Variants in ARHGAP10 observed in about 807,000 individuals in gnomAD.
ARHGAP10 encodes Rho GTPase activating protein 10, also known as rho GTPase-activating protein 10.
A neutral mutation model predicts 108.6 loss-of-function variants in ARHGAP10; 87 were observed. The ratio of observed to expected loss-of-function variants is 0.80; its 90% CI spans 0.67 to 0.96. ARHGAP10 has a LOEUF of 0.96. Among genes scored for constraint, ARHGAP10 ranks in the 40% least tolerant of loss-of-function variants. The pLI is 0.00. For synonymous variants in ARHGAP10, 347 were observed against 341.1 expected, an observed-to-expected ratio of 1.02 and a Z score of -0.19; for missense variants, 939 against 954.5, an observed-to-expected ratio of 0.98 and a Z score of 0.21.
chr4:148,066,428 T>C lies in ARHGAP10; in HGVS notation c.2272+1921T>C, dbSNP rs565100153. 1.8e-3 allele frequency among the ~76,000 whole-genome samples: 280 copies of C among 152,332 alleles called. 1 individual carries two copies. Among genetic ancestry groups the C allele is most frequent in the Non-Finnish European group, 2.6e-3 (180 of 68,032 alleles). Reference sequence around the variant, plus strand: ...AATGAGGGTCAGTGCCTAAAGCCAATGCAGATCTGCCAGTTTGGATAAAAG... The same window carrying C: ...AATGAGGGTCAGTGCCTAAAGCCAACGCAGATCTGCCAGTTTGGATAAAAG... On this transcript the variant is annotated intron_variant, in intron 22 of 22. Coordinates refer to ENST00000336498, the MANE Select transcript of ARHGAP10 (RefSeq NM_024605.4).
At chr4:147,818,754 GC>G (rs1039258082) in intron 1 of ARHGAP10, among the ~76,000 whole-genome samples, 9 of 152,086 alleles carry the variant, frequency 5.9e-5, no homozygotes, top group Non-Finnish European at 1.2e-4. Context: ...ACTGCCTTAT[GC>G]TTTTGTTTTG....
chr4:147,810,899 G>A (rs1731991461), intron 1 of ARHGAP10, among the ~76,000 whole-genome samples: 2 of 152,312 alleles, frequency 1.3e-5, no homozygotes, highest in South Asian at 4.1e-4. Context: ...GCCTCATTTT[G>A]TTCTAGATCC....
At chr4:147,804,776 T>C (rs1731715654) in intron 1 of ARHGAP10, among the ~76,000 whole-genome samples, 1 of 152,188 alleles carries the variant, frequency 6.6e-6, no homozygotes, top group South Asian at 2.1e-4. Context: ...TGGCCACATG[T>C]ATGTCGTCTT....
At chr4:147,817,509 G>C (rs929944806) in intron 1 of ARHGAP10, among the ~76,000 whole-genome samples, 1 of 152,212 alleles carries the variant, frequency 6.6e-6, no homozygotes, top group Non-Finnish European at 1.5e-5. Context: ...TCTGGAGGCT[G>C]TCCACACCTG....
rs549650908 is a variant in ARHGAP10, at chr4:147,988,346, A to G, written c.1716+21507A>G. 2.0e-5 allele frequency among the ~76,000 whole-genome samples: 3 copies of G among 152,146 alleles called. No individual in the cohort carries two copies. In the South Asian group the frequency reaches 6.2e-4, roughly 32 times the overall value. ...TTTCCTCTGAACTTCCACTAATTTC[A>G]TTTACTAGATCATGTTTTCTGAGAT... On this transcript the variant is annotated intron_variant, in intron 18 of 22. Transcript: ENST00000336498.
chr4:148,000,116 C>T (rs960833306), intron 18 of ARHGAP10, among the ~76,000 whole-genome samples: 9 of 152,048 alleles, frequency 5.9e-5, no homozygotes, highest in African/African-American at 1.9e-4. Flanking sequence ...TGATGTTCCC[C>T]TTCCTGTGTC....
chr4:147,835,226 T>G (rs957001808), intron 3 of ARHGAP10, among the ~76,000 whole-genome samples: 12 of 151,088 alleles, frequency 7.9e-5, no homozygotes, highest in Non-Finnish European at 1.8e-4. Flanking sequence ...TTCCCAAGAG[T>G]TTTTCAACCC....
chr4:147,924,929 C>G (rs925114743), intron 13 of ARHGAP10, among the ~76,000 whole-genome samples: 14 of 151,434 alleles, frequency 9.2e-5, no homozygotes, highest in Non-Finnish European at 4.4e-5. Flanking sequence ...ATTAAGTAGT[C>G]TCATTATTGA....
Position 147,875,070 on chromosome 4 carries a change from A to G in ARHGAP10, c.752A>G (p.Asn251Ser). The G allele has an allele frequency of 4.3e-6, 7 of 1,610,120 alleles. No individual in the cohort carries two copies. Among genetic ancestry groups the G allele is most frequent in the Non-Finnish European group, 5.9e-6 (7 of 1,179,178 alleles). Residue 251 changes from asparagine (N) to serine (S), a missense_variant, in exon 8 of 23, where the codon AAC becomes AGC. By Grantham distance (46) the Asn-to-Ser change is conservative. Transcript: ENST00000336498. ...GTRSEVEELM[N>S]KIRQNPKDHK... The stretch of plus-strand genomic sequence containing the variant: ...AGGTCAGAAGTGGAAGAGCTCATGA[A>G]CAAAATCAGACAGAATCCCAAGGAC...
chr4:147,895,667 C>CAG (rs1735967091), intron 10 of ARHGAP10, among the ~76,000 whole-genome samples: 1 of 149,630 alleles, frequency 6.7e-6, no homozygotes, highest in African/African-American at 2.5e-5. Context: ...GCCTGGGCAA[C>CAG]AGAGAGAGAC....
chr4:148,053,148 A>G (rs1164959732), intron 20 of ARHGAP10, among the ~76,000 whole-genome samples: 1 of 152,204 alleles, frequency 6.6e-6, no homozygotes, highest in Non-Finnish European at 1.5e-5. Context: ...CGCAAAGGAC[A>G]TAGGAAAATT....
At chr4:147,763,584 A>G (rs1241523295) in intron 1 of ARHGAP10, among the ~76,000 whole-genome samples, 1 of 151,980 alleles carries the variant, frequency 6.6e-6, no homozygotes, top group Non-Finnish European at 1.5e-5. Flanking sequence ...TGTTGGGATT[A>G]CAGGTGTGAG....
chr4:147,956,327 C>T (rs1738783318), intron 16 of ARHGAP10, among the ~76,000 whole-genome samples: 1 of 152,078 alleles, frequency 6.6e-6, no homozygotes, highest in Non-Finnish European at 1.5e-5. Flanking sequence ...TTAAATGTTA[C>T]CTTCTTGTGA....
intron 1 of ARHGAP10, among the ~76,000 whole-genome samples, chr4:147,796,817 G>A (rs189174653): frequency 5.1e-4 from 77 of 152,252 alleles, no homozygotes; most frequent in African/African-American, 1.8e-3. Context: ...GAGCCACTGC[G>A]CCCGGCCTGT....
At chr4:147,754,746 T>A (rs1729298681) in intron 1 of ARHGAP10, among the ~76,000 whole-genome samples, 1 of 152,188 alleles carries the variant, frequency 6.6e-6, no homozygotes. Flanking sequence ...TAAATGATTT[T>A]GCTACATAAG....
chr4:147,857,151 T>C (rs1734124687), intron 4 of ARHGAP10, among the ~76,000 whole-genome samples: 2 of 152,350 alleles, frequency 1.3e-5, no homozygotes, highest in African/African-American at 2.4e-5. Context: ...TGGCCTATTA[T>C]TCCATTTTAA....
chr4:148,041,388 CAAA>C (rs1399930319), intron 19 of ARHGAP10, among the ~76,000 whole-genome samples: 2 of 152,104 alleles, frequency 1.3e-5, no homozygotes, highest in Non-Finnish European at 2.9e-5. Context: ...TGAAAGGAGA[CAAA>C]GAAGAAATGA....
At chr4:147,826,780 A>G (rs1009501732) in intron 3 of ARHGAP10, among the ~76,000 whole-genome samples, 6 of 152,184 alleles carry the variant, frequency 3.9e-5, no homozygotes, top group African/African-American at 1.4e-4. Flanking sequence ...GACACTTAAA[A>G]AAACACAGTA....
At chr4:147,945,277 A>G (rs1201119746) in intron 14 of ARHGAP10, among the ~76,000 whole-genome samples, 1 of 145,848 alleles carries the variant, frequency 6.9e-6, no homozygotes, top group Non-Finnish European at 1.5e-5. Flanking sequence ...CAATTTACTA[A>G]CTCTCCCATC....
Sources: gnomAD v4.1 joint callset for allele counts (sites outside exome capture counted in the v4.1 genomes callset) on GRCh38, gnomAD v4.1.1 for gene constraint, MANE v1.5 for transcripts, NCBI Gene and HGNC (gene_info 2026-07-23, HGNC 2026-07-21) for gene names.